TNS1: variants seen among roughly 807,000 people sequenced by gnomAD.
TNS1 encodes tensin 1.
In TNS1, 62 loss-of-function variants were observed where a neutral mutation model predicts 168.6. The ratio of observed to expected loss-of-function variants is 0.37; its 90% CI spans 0.30 to 0.45. The LOEUF is 0.45. Among genes scored for constraint, TNS1 ranks in the 20% least tolerant of loss-of-function variants. TNS1 has a pLI of 1.00. For missense variants in TNS1, 2,240 were observed against 2,339.4 expected, an observed-to-expected ratio of 0.96 and a Z score of 0.88; for synonymous variants, 934 against 933.2, an observed-to-expected ratio of 1.00 and a Z score of -0.02.
chr2:217,893,055 G>C, intron 10 of TNS1, 43 bp from the exon 11 acceptor site: 6 of 1,610,418 alleles, frequency 3.7e-6, no homozygotes, highest in Non-Finnish European at 4.2e-6. Flanking sequence ...TCTAAGGCCA[G>C]CCTTGCTGCC....
intron 4 of TNS1, among the ~76,000 whole-genome samples, chr2:217,912,081 C>T (rs1954475164): frequency 6.6e-6 from 1 of 152,234 alleles, no homozygotes; most frequent in South Asian, 2.1e-4. Context: ...CCACACATGC[C>T]TTTACCCTCC....
rs986346231 is a variant in TNS1 at position 217,803,528 on chromosome 2, GA to G, written c.*930del. The G allele has an allele frequency of 6.6e-6, 1 of 152,618 alleles. No individual in the cohort carries two copies. The highest frequency in any genetic ancestry group is 1.5e-5 in the Non-Finnish European group (1 of 68,068). 9.5% of individuals were successfully genotyped at this position (152,618 alleles called of 1,614,324 possible). On this transcript the variant is annotated 3_prime_UTR_variant, in exon 33 of 33. Transcript: ENST00000682258. Reference sequence around the variant, plus strand: ...CTGTTCTGACAGATCTCTTCCTATGGATACACATATCTCTACCTCCTCAAAC... The same window carrying G: ...CTGTTCTGACAGATCTCTTCCTATGGTACACATATCTCTACCTCCTCAAAC...
At chr2:217,924,757 T>C (rs570089987) in intron 3 of TNS1, among the ~76,000 whole-genome samples, 1 of 152,342 alleles carries the variant, frequency 6.6e-6, no homozygotes, top group East Asian at 1.9e-4. Context: ...GTCATGAAGT[T>C]TGCCCAGGTT....
intron 4 of TNS1, among the ~76,000 whole-genome samples, chr2:217,909,480 C>T (rs889536032): frequency 6.6e-6 from 1 of 152,028 alleles, no homozygotes; most frequent in Non-Finnish European, 1.5e-5. Context: ...TAATAGGCCT[C>T]GACCCTCAGC....
intron 22 of TNS1, among the ~76,000 whole-genome samples, chr2:217,827,991 G>A (rs1386064897): frequency 6.6e-6 from 1 of 152,240 alleles, no homozygotes; most frequent in Admixed American, 6.5e-5. Context: ...AAGTCAACCA[G>A]CTGCGAGGAG....
At chr2:217,835,055 T>A in intron 21 of TNS1, 36 bp downstream of exon 21, 1 of 1,542,840 alleles carries the variant, frequency 6.5e-7, no homozygotes, top group Non-Finnish European at 8.7e-7. Context: ...GGCTGGAGGG[T>A]ACACAGGGAA....
chr2:217,834,858 G>A (rs1202626464), intron 21 of TNS1, among the ~76,000 whole-genome samples: 2 of 152,196 alleles, frequency 1.3e-5, no homozygotes, highest in African/African-American at 4.8e-5. Context: ...ACTCAGTCTG[G>A]ACCCTAAAAC....
intron 24 of TNS1, among the ~76,000 whole-genome samples, chr2:217,816,840 G>A (rs1941961897): frequency 6.6e-6 from 1 of 152,130 alleles, no homozygotes; most frequent in Non-Finnish European, 1.5e-5. Flanking sequence ...AGTGACGCCG[G>A]GAGAATCTAG....
chr2:217,995,041 G>A lies in TNS1; in HGVS notation c.34-3985C>T, dbSNP rs143735568. 1.0e-3 allele frequency among the ~76,000 whole-genome samples: 154 copies of A among 152,234 alleles called. 1 individual carries two copies. In the East Asian group the frequency reaches 0.015, roughly 15 times the overall value. On this transcript the variant is annotated intron_variant, in intron 1 of 32. Coordinates refer to ENST00000682258, the MANE Select transcript of TNS1 (RefSeq NM_001387777.1). This position sits in a 1 kb window ranked among gnomAD's most constrained non-coding sequence, Gnocchi z 4.1. ...GGGGAAATGACACAACATTCCCTTT[G>A]GAATGAAGGGACTGAAAGTGATGGG... is the stretch of plus-strand genomic sequence containing the variant.
chr2:217,947,223 G>A (rs1487209233), intron 3 of TNS1, among the ~76,000 whole-genome samples: 1 of 150,956 alleles, frequency 6.6e-6, no homozygotes, highest in East Asian at 2.0e-4. Context: ...GTCCCTTCAA[G>A]GGTAGGCCTG....
chr2:217,967,682 G>A (rs1275228420), intron 3 of TNS1, among the ~76,000 whole-genome samples: 7 of 152,160 alleles, frequency 4.6e-5, no homozygotes, highest in East Asian at 1.9e-4. Context: ...AAAACTACAC[G>A]CAAAGAAAAG....
intron 32 of TNS1, among the ~76,000 whole-genome samples, chr2:217,806,020 C>T (rs1369414561): frequency 1.3e-5 from 2 of 152,198 alleles, no homozygotes; most frequent in Non-Finnish European, 2.9e-5. Flanking sequence ...CTGGGGTCCA[C>T]AGGGCATCCC....
In TNS1 at chr2:217,900,490, C is replaced by G. The variant is rs1952838632; in HGVS notation, c.344G>C (p.Ser115Thr). ...EDNGSTRVTP[S>T]VQPHLQPIRN... ...GATGGGCTGGAGGTGGGGCTGGACACTCGGGGTGACCCTGGTGGAGCCCTG... is the reference window on the plus strand; with the variant it reads ...GATGGGCTGGAGGTGGGGCTGGACAGTCGGGGTGACCCTGGTGGAGCCCTG... Residue 115 changes from serine (S) to threonine (T), a missense_variant, in exon 7 of 33, where the codon AGT becomes ACT. Physicochemically the swap from Ser to Thr is moderately conservative, Grantham distance 58. Coordinates refer to ENST00000682258, the MANE Select transcript of TNS1 (RefSeq NM_001387777.1). The G allele has an allele frequency of 6.5e-7, 1 of 1,535,338 alleles. No individual in the cohort carries two copies. The highest frequency in any genetic ancestry group is 8.7e-7 in the Non-Finnish European group (1 of 1,146,716).
In TNS1 at chr2:217,952,137, C is replaced by G. The variant is rs374895220; in HGVS notation, c.186+26628G>C. 2.4e-4 allele frequency among the ~76,000 whole-genome samples: 37 copies of G among 152,296 alleles called. No individual in the cohort carries two copies. The East Asian group carries it at 3.5e-3, about 14-fold the overall frequency. ...GACCTGAAGGGAAAGAACAGGCGGC[C>G]GGAGGGAGAGACATTTAGATCCCAA... On this transcript the variant is annotated intron_variant, in intron 3 of 32. Coordinates refer to ENST00000682258, the MANE Select transcript of TNS1 (RefSeq NM_001387777.1).
intron 3 of TNS1, among the ~76,000 whole-genome samples, chr2:217,952,360 A>G (rs1474406350): frequency 6.6e-6 from 1 of 152,196 alleles, no homozygotes; most frequent in Non-Finnish European, 1.5e-5. Context: ...CAGGGGTGAT[A>G]GGACTTGATT....
chr2:217,981,878 G>A (rs1484665698), intron 2 of TNS1, among the ~76,000 whole-genome samples: 1 of 152,190 alleles, frequency 6.6e-6, no homozygotes, highest in Non-Finnish European at 1.5e-5. Flanking sequence ...ATATTCAGAT[G>A]TGTTACAGAA....
At chr2:217,879,423 C>T (rs971379374) in intron 18 of TNS1, 4 of 454,234 alleles carry the variant, frequency 8.8e-6, no homozygotes, top group African/African-American at 2.0e-5. Context: ...CCGCTCAGCG[C>T]CCGGGGATGG....
At position 217,810,993 on chromosome 2, in the gene TNS1, A is replaced by G. The variant is rs569294010; in HGVS notation, c.5033-674T>C. ...CCCATGCTCTAGCAGATTATCCCAC[A>G]TTAGCCTCCAGCGTAGCTGGGACTA... On this transcript the variant is annotated intron_variant, in intron 28 of 32. Coordinates refer to ENST00000682258, the MANE Select transcript of TNS1 (RefSeq NM_001387777.1). Among the ~76,000 whole-genome samples the G allele has an allele frequency of 4.4e-4, 67 of 152,076 alleles. 1 individual carries two copies. In the South Asian group the frequency reaches 0.013, roughly 29 times the overall value.
At chr2:217,897,426 GC>G (rs1348467689) in intron 8 of TNS1, among the ~76,000 whole-genome samples, 16 of 152,214 alleles carry the variant, frequency 1.1e-4, no homozygotes, top group African/African-American at 3.9e-4. Flanking sequence ...CTGTGCTCTG[GC>G]AAGTGCCTGC....
Sources: allele counts gnomAD v4.1 joint callset (sites outside exome capture counted in the v4.1 genomes callset), GRCh38; gene constraint gnomAD v4.1.1; non-coding constraint Gnocchi (gnomAD v3.1); transcripts MANE v1.5; gene names NCBI Gene and HGNC (gene_info 2026-07-23, HGNC 2026-07-21).